The following HOXC10 variants were observed in gnomAD, a reference collection of about 807,000 sequenced individuals.
HOXC10 encodes homeobox C10.
HOXC10 carries 15 observed loss-of-function variants against 26.0 expected under a neutral mutation model. That is an observed-to-expected ratio of 0.58 (90% CI 0.39 to 0.89). The LOEUF is 0.89. Ranked by LOEUF, HOXC10 falls within the 40% of genes least tolerant of loss-of-function variation. The pLI is 0.00. For synonymous variants in HOXC10, 196 were observed against 185.5 expected, an observed-to-expected ratio of 1.06 and a Z score of -0.46; for missense variants, 446 against 451.9, an observed-to-expected ratio of 0.99 and a Z score of 0.12.
rs771449452 is a variant in HOXC10 at position 53,985,346 on chromosome 12, A to C, written c.87A>C (p.Ala29=). The part of the protein sequence containing the change: ...PGGGERYSRS[A]GMYMQSGSDF... Reference sequence around the variant, plus strand: ...GAGGAGAGCGCTATAGCCGGAGCGCAGGCATGTATATGCAGTCTGGGAGTG... The same window carrying C: ...GAGGAGAGCGCTATAGCCGGAGCGCCGGCATGTATATGCAGTCTGGGAGTG... The change falls in exon 1 of 2, where the codon GCA becomes GCC. Residue 29 remains alanine (A), a synonymous_variant. Transcript: ENST00000303460. 6.8e-6 allele frequency: 11 copies of C among 1,613,392 alleles called. No homozygotes were observed. Among genetic ancestry groups the C allele is most frequent in the Non-Finnish European group, 9.3e-6 (11 of 1,179,558 alleles).
At chr12:53,986,705 C>T (rs1294930434) in intron 1 of HOXC10, 1 of 152,242 alleles carries the variant, frequency 6.6e-6, no homozygotes, top group Non-Finnish European at 1.5e-5. Flanking sequence ...TCTGTTTCCT[C>T]TTTTAATTTT....
rs778664874 is a variant in HOXC10, at chr12:53,985,984, C to T, written c.725C>T (p.Pro242Leu). 2.5e-6 allele frequency: 4 copies of T among 1,579,218 alleles called. No individual in the cohort carries two copies. The highest frequency in any genetic ancestry group is 2.3e-5 in the East Asian group (1 of 44,390). The change falls in exon 1 of 2, where the codon CCA becomes CTA. Residue 242 changes from proline (P) to leucine (L), a missense_variant. Coordinates refer to ENST00000303460, the MANE Select transcript of HOXC10 (RefSeq NM_017409.4). ...AGGGCCAAAGCTGCCGACTCCAGCC[C>T]AGACACCTCGGATAACGAAGCGAAA... is the stretch of plus-strand genomic sequence containing the variant. ...KERAKAADSS[P>L]DTSDNEAKEE...
In HOXC10 at chr12:53,985,574, C is replaced by T. The variant is rs1236562242; in HGVS notation, c.315C>T (p.Val105=). 2 of 1,613,762 alleles carry T rather than the reference C, an allele frequency of 1.2e-6. No individual in the cohort carries two copies. Among genetic ancestry groups the T allele is most frequent in the African/African-American group, 1.3e-5 (1 of 74,946 alleles). ...CCTCCTGCTCCTACCCACCTAGTGTCAAGGAGGAGAATGTCTGCTGCATGT... is the reference window on the plus strand; with the variant it reads ...CCTCCTGCTCCTACCCACCTAGTGTTAAGGAGGAGAATGTCTGCTGCATGT... ...PLSSCSYPPS[V]KEENVCCMYS... is the part of the protein sequence containing the mutation. The change falls in exon 1 of 2, where the codon GTC becomes GTT. Residue 105 remains valine (V), a synonymous_variant. Transcript: ENST00000303460.
At position 53,985,350 on chromosome 12, in the gene HOXC10, A is replaced by G; in HGVS notation, c.91A>G (p.Met31Val). Residue 31 changes from methionine (M) to valine (V), a missense_variant, in exon 1 of 2, where the codon ATG becomes GTG. By Grantham distance (21) the Met-to-Val change is conservative. Transcript: ENST00000303460. ...AGAGCGCTATAGCCGGAGCGCAGGCATGTATATGCAGTCTGGGAGTGACTT... is the reference window on the plus strand; with the variant it reads ...AGAGCGCTATAGCCGGAGCGCAGGCGTGTATATGCAGTCTGGGAGTGACTT... ...GGERYSRSAG[M>V]YMQSGSDFNC... 1 of 1,613,686 alleles carries G rather than the reference A, an allele frequency of 6.2e-7. No individual in the cohort carries two copies. Among genetic ancestry groups the G allele is most frequent in the Non-Finnish European group, 8.5e-7 (1 of 1,179,738 alleles).
chr12:53,989,464 CT>C lies in HOXC10; in HGVS notation c.*19del, dbSNP rs1939484126. 6.2e-7 allele frequency: 1 copy of C among 1,600,616 alleles called. No homozygotes were observed. The highest frequency in any genetic ancestry group is 1.7e-5 in the Admixed American group (1 of 59,204). ...TCACCTGAGAGCGCGGCCTCTCCTCCTCCCTTCCCGCTCCTTCCTCTCCCCG... is the reference window on the plus strand; with the variant it reads ...TCACCTGAGAGCGCGGCCTCTCCTCCCCCTTCCCGCTCCTTCCTCTCCCCG... On this transcript the variant is annotated 3_prime_UTR_variant, in exon 2 of 2. Coordinates refer to ENST00000303460, the MANE Select transcript of HOXC10 (RefSeq NM_017409.4).
intron 1 of HOXC10, among the ~76,000 whole-genome samples, chr12:53,987,452 T>C (rs570551125): frequency 6.6e-6 from 1 of 152,284 alleles, no homozygotes; most frequent in African/African-American, 2.4e-5. Context: ...GCCTACAGCC[T>C]CAAAGCCTTT....
chr12:53,989,238 C>T lies in HOXC10; in HGVS notation c.821C>T (p.Pro274Leu), dbSNP rs752515209. Residue 274 changes from proline to leucine, a missense_variant, in exon 2 of 2, where the codon CCC (proline) becomes CTC (leucine). Coordinates refer to ENST00000303460, the MANE Select transcript of HOXC10 (RefSeq NM_017409.4). ...AAGAGCGGAAGGAAGAAGAGGTGCC[C>T]CTATACTAAACACCAGACGCTGGAA... is the stretch of plus-strand genomic sequence containing the variant. ...TAKSGRKKRC[P>L]YTKHQTLELE... is the part of the protein sequence containing the mutation. 1.9e-6 allele frequency: 3 copies of T among 1,613,882 alleles called. No homozygotes were observed. Among genetic ancestry groups the T allele is most frequent in the African/African-American group, 1.3e-5 (1 of 74,898 alleles).
In HOXC10 at chr12:53,985,800, A is replaced by G. The variant is rs765584777; in HGVS notation, c.541A>G (p.Asn181Asp). 6.2e-7 allele frequency: 1 copy of G among 1,613,774 alleles called. No individual in the cohort carries two copies. Among genetic ancestry groups the G allele is most frequent in the Non-Finnish European group, 8.5e-7 (1 of 1,180,004 alleles). ...EAPFEQRASLNPRAEHLESPQ... is the reference protein window; with the variant it reads ...EAPFEQRASLDPRAEHLESPQ... ...CCCTTTCGAGCAGCGGGCCAGTCTC[A>G]ACCCGCGCGCCGAACATCTGGAATC... The change falls in exon 1 of 2, where the codon AAC (asparagine) becomes GAC (aspartate). Residue 181 changes from asparagine (N) to aspartate (D), a missense_variant. Transcript: ENST00000303460.
chr12:53,987,005 A>AG (rs1349066648), intron 1 of HOXC10, among the ~76,000 whole-genome samples: 1 of 152,186 alleles, frequency 6.6e-6, no homozygotes, highest in Non-Finnish European at 1.5e-5. Context: ...GGAAAAGCTG[A>AG]GGGGAACGAC....
chr12:53,986,297 C>A (rs1342673922), intron 1 of HOXC10: 2 of 313,940 alleles, frequency 6.4e-6, no homozygotes, highest in Non-Finnish European at 1.2e-5. Flanking sequence ...CTGCACCGGA[C>A]GGGTGGCTGC....
Position 53,985,367 on chromosome 12 carries a change from G to A in HOXC10, c.108G>A (p.Gly36=), listed in dbSNP as rs140615920. The A allele has an allele frequency of 1.8e-5, 29 of 1,614,116 alleles. No individual in the cohort carries two copies. In the African/African-American group the frequency reaches 3.9e-4, roughly 21 times the overall value. Residue 36 remains glycine (G), a synonymous_variant, in exon 1 of 2, where the codon GGG becomes GGA. Coordinates refer to ENST00000303460, the MANE Select transcript of HOXC10 (RefSeq NM_017409.4). The part of the protein sequence containing the change: ...SRSAGMYMQS[G]SDFNCGVMRG... ...GCGCAGGCATGTATATGCAGTCTGG[G>A]AGTGACTTCAATTGCGGGGTGATGA...
chr12:53,989,491 C>G lies in HOXC10; in HGVS notation c.*45C>G. 6.4e-7 allele frequency: 1 copy of G among 1,559,176 alleles called. No individual in the cohort carries two copies. The highest frequency in any genetic ancestry group is 8.7e-7 in the Non-Finnish European group (1 of 1,148,878). On this transcript the variant is annotated 3_prime_UTR_variant, in exon 2 of 2. Transcript: ENST00000303460. The stretch of plus-strand genomic sequence containing the variant: ...CCCTTCCCGCTCCTTCCTCTCCCCG[C>G]CCCTCCTCCCTTTGTGCCTGGTGAT...
At chr12:53,986,066 G>T in intron 1 of HOXC10, 56 bp downstream of exon 1, 1 of 1,484,630 alleles carries the variant, frequency 6.7e-7, no homozygotes, top group East Asian at 2.4e-5. Context: ...TGGTCTTCGC[G>T]GCCGGGGAGG....
At chr12:53,986,735 A>T (rs935739373) in intron 1 of HOXC10, 1 of 152,044 alleles carries the variant, frequency 6.6e-6, no homozygotes, top group African/African-American at 2.4e-5. Flanking sequence ...ATTTTTTTCT[A>T]GTTAAATTAT....
intron 1 of HOXC10, 81 bp from the exon 2 acceptor site, chr12:53,989,088 C>T: frequency 1.5e-6 from 2 of 1,356,756 alleles, no homozygotes; most frequent in Non-Finnish European, 1.0e-6. Context: ...AGCCACCCCA[C>T]AGCAGGCTGG....
In HOXC10 at chr12:53,989,454, G is replaced by A. The variant is rs760685171; in HGVS notation, c.*8G>A. The A allele has an allele frequency of 6.2e-7, 1 of 1,607,738 alleles. No homozygotes were observed. The highest frequency in any genetic ancestry group is 1.7e-5 in the Admixed American group (1 of 59,720). ...AATTTTAATTTCACCTGAGAGCGCG[G>A]CCTCTCCTCCTCCCTTCCCGCTCCT... is the stretch of plus-strand genomic sequence containing the variant. On this transcript the variant is annotated 3_prime_UTR_variant, in exon 2 of 2. Transcript: ENST00000303460.
In HOXC10 at chr12:53,990,146, C is replaced by CG. The variant is rs1316398956; in HGVS notation, c.*700_*701insG. On this transcript the variant is annotated 3_prime_UTR_variant, in exon 2 of 2. Transcript: ENST00000303460. The stretch of plus-strand genomic sequence containing the variant: ...AGCAAAGCAAAGACAGAATGCCCCC[C>CG]CCCCCAAATATTGTCCTGTCCCTGT... 1 of 146,988 alleles carries CG rather than the reference C, an allele frequency of 6.8e-6. No homozygotes were observed. The highest frequency in any genetic ancestry group is 1.5e-5 in the Non-Finnish European group (1 of 67,520). The allele number at this position is 146,988 out of a possible 1,614,324, so 9.1% of individuals were successfully genotyped here.
At chr12:53,986,989 A>T (rs1939446762) in intron 1 of HOXC10, among the ~76,000 whole-genome samples, 1 of 150,378 alleles carries the variant, frequency 6.6e-6, no homozygotes, top group Non-Finnish European at 1.5e-5. Flanking sequence ...AAACGGGAGC[A>T]GGGGAGGAAA....
intron 1 of HOXC10, among the ~76,000 whole-genome samples, chr12:53,988,144 A>G (rs77604658): frequency 6.6e-6 from 1 of 152,246 alleles, no homozygotes; most frequent in East Asian, 1.9e-4. Flanking sequence ...TTTTGCCCTT[A>G]AAAAGATGGC....
Sources: gnomAD v4.1 joint callset for allele counts (sites outside exome capture counted in the v4.1 genomes callset) on GRCh38, gnomAD v4.1.1 for gene constraint, MANE v1.5 for transcripts, NCBI Gene and HGNC (gene_info 2026-07-23, HGNC 2026-07-21) for gene names.